NRP2: variants seen among roughly 807,000 people sequenced by gnomAD.
NRP2 encodes the protein neuropilin 2.
In NRP2, 52 loss-of-function variants were observed where a neutral mutation model predicts 110.4. The ratio of observed to expected loss-of-function variants is 0.47; its 90% confidence interval spans 0.38 to 0.59. The LOEUF (loss-of-function observed/expected upper bound fraction) is 0.59. Ranked by LOEUF, NRP2 falls within the 20% of genes least tolerant of loss-of-function variation. The probability of loss-of-function intolerance (pLI) is 0.00; values close to 1 mark genes in which losing one functional copy is unlikely to be tolerated. For missense variants in NRP2, 1,049 were observed against 1,203.0 expected (o/e 0.87, Z 1.89); for synonymous variants, 508 against 468.9 (o/e 1.08, Z -1.08).
chr2:205,788,131 A>G (rs1285911861), intron 15 of NRP2, among the ~76,000 whole-genome samples: 2 of 152,144 alleles, frequency 1.3e-5, no homozygotes, highest in Admixed American at 6.5e-5. Context: ...GCAGGAGATC[A>G]GTGAGACCTT....
At chr2:205,747,570 A>G (rs2057560700) in intron 10 of NRP2, among the ~76,000 whole-genome samples, 1 of 152,228 alleles carries the variant, frequency 6.6e-6, no homozygotes, top group Non-Finnish European at 1.5e-5. Context: ...ATGTTTTAAA[A>G]GCTGGTCATG....
chr2:205,788,885 G>A (rs558621984), intron 15 of NRP2, among the ~76,000 whole-genome samples: 9 of 152,320 alleles, frequency 5.9e-5, no homozygotes, highest in African/African-American at 2.2e-4. Context: ...CATGCAGTGA[G>A]CCCTCTTACT....
At chr2:205,707,810 C>G (rs3771047) in intron 2 of NRP2, among the ~76,000 whole-genome samples, 24,156 of 152,080 alleles carry the variant, frequency 0.16, 2,674 homozygotes, top group African/African-American at 0.32. Flanking sequence ...ACACCTATTC[C>G]GGAGGGAACT....
At position 205,788,756 on chromosome 2, in the gene NRP2, C is replaced by G. The variant is rs10207125; in HGVS notation, c.2426-3479C>G. Reference sequence around the variant, plus strand: ...AGTCCTCTCCGCAATGCCTCACTTTCTTTCATGCTAATTTGGCATGGGTGA... The same window carrying G: ...AGTCCTCTCCGCAATGCCTCACTTTGTTTCATGCTAATTTGGCATGGGTGA... On this transcript the variant is annotated intron_variant, in intron 15 of 16. Coordinates refer to ENST00000357785, the MANE Select transcript of NRP2 (RefSeq NM_003872.3). Among the ~76,000 whole-genome samples the G allele has an allele frequency of 1.2e-3, 180 of 152,328 alleles. 2 individuals carry two copies. Among genetic ancestry groups the G allele is most frequent in the African/African-American group, 4.1e-3 (171 of 41,550 alleles).
At chr2:205,716,484 G>A in intron 3 of NRP2, 110 bp downstream of exon 3, 1 of 1,099,066 alleles carries the variant, frequency 9.1e-7, no homozygotes, top group Non-Finnish European at 1.3e-6. Flanking sequence ...CATCCAGCTT[G>A]AGCATGGTGA....
intron 2 of NRP2, among the ~76,000 whole-genome samples, chr2:205,707,380 C>T (rs951534734): frequency 6.6e-6 from 1 of 152,166 alleles, no homozygotes; most frequent in African/African-American, 2.4e-5. Context: ...TAGTGCAGGC[C>T]CATCATTTCC....
In NRP2 at chr2:205,749,837, G is replaced by T. The variant is rs1414846518; in HGVS notation, c.1899G>T (p.Glu633Asp). 3.7e-6 allele frequency: 6 copies of T among 1,613,236 alleles called. No homozygotes were observed. The highest frequency in any genetic ancestry group is 5.1e-6 in the Non-Finnish European group (6 of 1,179,368). ...AGTGTGGGGAGAACTGCAGCTTTGA[G>T]GATGGTAAGCACAAATTGCCTCCAG... ...ATECGENCSF[E>D]DDKDLQLPSG... Residue 633 changes from glutamate to aspartate, a missense_variant, in exon 11 of 17, where the codon GAG (glutamate) becomes GAT (aspartate). Physicochemically the swap from Glu to Asp is conservative, Grantham distance 45. Coordinates refer to ENST00000357785, the MANE Select transcript of NRP2 (RefSeq NM_003872.3).
At chr2:205,787,190 C>G (rs566271647) in intron 15 of NRP2, among the ~76,000 whole-genome samples, 1 of 152,266 alleles carries the variant, frequency 6.6e-6, no homozygotes, top group South Asian at 2.1e-4. Flanking sequence ...GGCTCTGACA[C>G]CTGAGGCAGA....
intron 15 of NRP2, among the ~76,000 whole-genome samples, chr2:205,783,548 C>T (rs1248738501): frequency 6.6e-6 from 1 of 152,266 alleles, no homozygotes; most frequent in African/African-American, 2.4e-5. Context: ...CCTTGGACCA[C>T]AGGCCCCCAC....
intron 7 of NRP2, among the ~76,000 whole-genome samples, chr2:205,738,391 C>T: frequency 6.6e-6 from 1 of 152,162 alleles, no homozygotes; most frequent in East Asian, 1.9e-4. Flanking sequence ...CAAAACAAAA[C>T]AAAGCAAAGC....
intron 7 of NRP2, among the ~76,000 whole-genome samples, chr2:205,736,845 A>T (rs1379483761): frequency 2.0e-5 from 3 of 152,240 alleles, no homozygotes; most frequent in African/African-American, 7.2e-5. Flanking sequence ...CCAAGAATCC[A>T]TCTCAGTGAA....
At chr2:205,747,396 T>C (rs2105884290) in intron 10 of NRP2, among the ~76,000 whole-genome samples, 1 of 152,264 alleles carries the variant, frequency 6.6e-6, no homozygotes, top group South Asian at 2.1e-4. Flanking sequence ...GTCTACCCCA[T>C]AGGGTCATTG....
At chr2:205,715,551 T>A (rs1467491513) in intron 2 of NRP2, among the ~76,000 whole-genome samples, 2 of 151,972 alleles carry the variant, frequency 1.3e-5, no homozygotes, top group South Asian at 2.1e-4. Flanking sequence ...CCTCGCAGAG[T>A]CATCTTAGGG....
At chr2:205,792,412 G>A in intron 16 of NRP2, 127 bp downstream of exon 16, 1 of 700,522 alleles carries the variant, frequency 1.4e-6, no homozygotes, top group Non-Finnish European at 2.5e-6. Context: ...ATATATAAAA[G>A]AATCTGGAGA....
chr2:205,721,220 T>C (rs3755243), intron 3 of NRP2, among the ~76,000 whole-genome samples: 73,250 of 152,010 alleles, frequency 0.48, 18,088 homozygotes, highest in Middle Eastern at 0.61. Context: ...TGACATCACC[T>C]AGTTATATTT....
rs1459730419 is a variant in NRP2 at position 205,795,956 on chromosome 2, A to T, written c.*898A>T. 6.6e-6 allele frequency: 1 copy of T among 152,230 alleles called. No homozygotes were observed. The highest frequency in any genetic ancestry group is 1.5e-5 in the Non-Finnish European group (1 of 68,048). 9.4% of individuals were successfully genotyped at this position (152,230 alleles called of 1,614,324 possible). A position where few individuals can be genotyped will look rare whatever the true frequency, so the allele number is the denominator to read the frequency against. On this transcript the variant is annotated 3_prime_UTR_variant, in exon 17 of 17. Transcript: ENST00000357785. ...CCTCCTCCATGTTCTTCTAAAACAT[A>T]TACATATATACATACACACATACAC...
intron 15 of NRP2, chr2:205,776,634 A>G: frequency 6.3e-7 from 1 of 1,587,806 alleles, no homozygotes. Context: ...ACTCTCAGAC[A>G]TCTCTTTCCC....
intron 15 of NRP2, among the ~76,000 whole-genome samples, chr2:205,786,288 G>C (rs570332302): frequency 6.6e-6 from 1 of 152,288 alleles, no homozygotes; most frequent in East Asian, 1.9e-4. Context: ...CTTTTACTGA[G>C]GTCTCAGTGT....
chr2:205,716,205 C>G lies in NRP2; in HGVS notation c.264C>G (p.Ile88Met). The change falls in exon 3 of 17, where the codon ATC (isoleucine) becomes ATG (methionine). Residue 88 changes from isoleucine to methionine, a missense_variant. Coordinates refer to ENST00000357785, the MANE Select transcript of NRP2 (RefSeq NM_003872.3). The stretch of plus-strand genomic sequence containing the variant: ...CATCCCCACCCAGGTATGACTTTAT[C>G]GAGATTCGGGATGGGGACAGTGAAT... ...IEKHDCKYDF[I>M]EIRDGDSESA... is the part of the protein sequence containing the mutation. The G allele has an allele frequency of 6.2e-7, 1 of 1,614,148 alleles. No homozygotes were observed. The highest frequency in any genetic ancestry group is 8.5e-7 in the Non-Finnish European group (1 of 1,180,030).
Sources: gnomAD v4.1 joint callset for allele counts (sites outside exome capture counted in the v4.1 genomes callset) on GRCh38, gnomAD v4.1.1 for gene constraint, MANE v1.5 for transcripts, NCBI Gene and HGNC (gene_info 2026-07-23, HGNC 2026-07-21) for gene names.